Variants in RCOR1 observed in about 807,000 individuals in gnomAD.
RCOR1 encodes REST corepressor.
A neutral mutation model predicts 64.0 loss-of-function variants in RCOR1; 12 were observed. That is an observed-to-expected ratio of 0.19 (90% CI 0.12 to 0.30). The LOEUF is 0.30. RCOR1 is among the 10% of genes least tolerant of loss of function. RCOR1 has a pLI of 1.00. For synonymous variants in RCOR1, 279 were observed against 227.2 expected (o/e 1.23, Z -2.05); for missense variants, 502 against 621.2 (o/e 0.81, Z 2.04).
chr14:102,683,401 C>G (rs564175312), intron 3 of RCOR1, among the ~76,000 whole-genome samples: 1 of 152,106 alleles, frequency 6.6e-6, no homozygotes, highest in Non-Finnish European at 1.5e-5. Context: ...AGAAAAGAAC[C>G]GGCCAGAAAA....
At chr14:102,602,298 C>T (rs1469067772) in intron 2 of RCOR1, among the ~76,000 whole-genome samples, 2 of 152,014 alleles carry the variant, frequency 1.3e-5, no homozygotes, top group Non-Finnish European at 2.9e-5. Context: ...TTTGTTTTCA[C>T]CTTGTCTTCG....
intron 11 of RCOR1, 30 bp from the exon 12 acceptor site, chr14:102,726,438 T>C: frequency 2.8e-5 from 5 of 181,322 alleles, no homozygotes; most frequent in Non-Finnish European, 5.1e-5. Flanking sequence ...TCTTTGATCC[T>C]TTTTTTTTTT....
intron 2 of RCOR1, among the ~76,000 whole-genome samples, chr14:102,605,201 G>A (rs1054526785): frequency 6.6e-6 from 1 of 151,914 alleles, no homozygotes; most frequent in Non-Finnish European, 1.5e-5. Context: ...GAGCCAACTT[G>A]TAGTCCAGTT....
chr14:102,602,869 C>A (rs1893431800), intron 2 of RCOR1, among the ~76,000 whole-genome samples: 1 of 151,898 alleles, frequency 6.6e-6, no homozygotes, highest in Admixed American at 6.6e-5. Flanking sequence ...GTATGCCTGA[C>A]TGATTTTTGA....
intron 2 of RCOR1, among the ~76,000 whole-genome samples, chr14:102,678,128 G>A (rs78335680): frequency 1.5e-5 from 2 of 134,148 alleles, no homozygotes; most frequent in South Asian, 2.3e-4. Flanking sequence ...AGGCAGGGAG[G>A]TTGCAGTGAG....
rs200520117 is a variant in RCOR1, at chr14:102,633,537, G to GT, written c.361+40221dup. ...GAGTTAGTTGCAATTAAAAATGGAGGTTTTTTTTTCTTTTCTCTTTGAGAC... is the reference window on the plus strand; with the variant it reads ...GAGTTAGTTGCAATTAAAAATGGAGGTTTTTTTTTTCTTTTCTCTTTGAGAC... On this transcript the variant is annotated intron_variant, in intron 2 of 11. Coordinates refer to ENST00000262241, the MANE Select transcript of RCOR1 (RefSeq NM_015156.4). Among the ~76,000 whole-genome samples the GT allele has an allele frequency of 7.7e-3, 1,165 of 150,994 alleles. 12 individuals are homozygous for GT. Among genetic ancestry groups the GT allele is most frequent in the African/African-American group, 0.026 (1,086 of 41,068 alleles).
chr14:102,634,727 T>G (rs1894200904), intron 2 of RCOR1, among the ~76,000 whole-genome samples: 1 of 151,402 alleles, frequency 6.6e-6, no homozygotes, highest in Non-Finnish European at 1.5e-5. Context: ...GACAGAGTCT[T>G]GCTCTATCGC....
chr14:102,602,793 C>T (rs1325264674), intron 2 of RCOR1, among the ~76,000 whole-genome samples: 11 of 151,250 alleles, frequency 7.3e-5, no homozygotes, highest in Admixed American at 7.2e-4. Context: ...ACAGCCTCAG[C>T]CTCCAGGGCT....
intron 10 of RCOR1, 118 bp downstream of exon 10, chr14:102,721,495 G>A: frequency 3.2e-6 from 2 of 629,170 alleles, no homozygotes; most frequent in South Asian, 2.2e-5. Flanking sequence ...AGGCTGCATT[G>A]ATCCATGATC....
chr14:102,662,724 C>T, intron 2 of RCOR1: 1 of 420,644 alleles, frequency 2.4e-6, no homozygotes, highest in Non-Finnish European at 4.5e-6. Context: ...GAAAAGGGCT[C>T]TGCAGCTTTT....
At chr14:102,718,730 G>A (rs759640056) in intron 8 of RCOR1, among the ~76,000 whole-genome samples, 1 of 152,180 alleles carries the variant, frequency 6.6e-6, no homozygotes, top group South Asian at 2.1e-4. Context: ...CATGATGGTG[G>A]CAGTAATCTC....
At chr14:102,652,233 A>C (rs1018202899) in intron 2 of RCOR1, among the ~76,000 whole-genome samples, 3 of 152,210 alleles carry the variant, frequency 2.0e-5, no homozygotes, top group African/African-American at 7.2e-5. Flanking sequence ...TTTTTATAGA[A>C]GAGAAAATTG....
chr14:102,679,757 C>T (rs576821768), intron 2 of RCOR1, among the ~76,000 whole-genome samples: 3 of 152,296 alleles, frequency 2.0e-5, no homozygotes, highest in South Asian at 2.1e-4. Context: ...GGATTACAGG[C>T]GTGAGCCACT....
At chr14:102,677,155 G>T (rs1186020985) in intron 2 of RCOR1, among the ~76,000 whole-genome samples, 1 of 139,308 alleles carries the variant, frequency 7.2e-6, no homozygotes, top group Non-Finnish European at 1.6e-5. Flanking sequence ...GCCGGGCGGG[G>T]GGCTGACCCC....
intron 2 of RCOR1, among the ~76,000 whole-genome samples, chr14:102,633,408 A>G: frequency 6.6e-6 from 1 of 152,136 alleles, no homozygotes; most frequent in Non-Finnish European, 1.5e-5. Flanking sequence ...TGCCCAGGAT[A>G]CTGTTGAACT....
chr14:102,626,540 CCT>C (rs1467875786), intron 2 of RCOR1, among the ~76,000 whole-genome samples: 1 of 152,152 alleles, frequency 6.6e-6, no homozygotes, highest in Non-Finnish European at 1.5e-5. Flanking sequence ...TTGTTGGCTC[CCT>C]CTCATATCCT....
intron 2 of RCOR1, among the ~76,000 whole-genome samples, chr14:102,614,619 T>G (rs1893713052): frequency 6.6e-6 from 1 of 152,134 alleles, no homozygotes; most frequent in South Asian, 2.1e-4. Flanking sequence ...AGTTGTTGCT[T>G]AGTTCTCTGC....
intron 4 of RCOR1, 70 bp downstream of exon 4, chr14:102,701,400 T>C: frequency 3.2e-6 from 4 of 1,251,528 alleles, no homozygotes; most frequent in Non-Finnish European, 4.4e-6. Context: ...TATATTTTTT[T>C]CTTCTTTGTA....
chr14:102,653,983 C>CTTT (rs1160437928), intron 2 of RCOR1, among the ~76,000 whole-genome samples: 6 of 33,168 alleles, frequency 1.8e-4, no homozygotes, highest in Admixed American at 4.9e-4. Context: ...TTCTTTCTTT[C>CTTT]TTTTTTTTTT....
Sources: allele counts gnomAD v4.1 joint callset (sites outside exome capture counted in the v4.1 genomes callset), GRCh38; gene constraint gnomAD v4.1.1; transcripts MANE v1.5; gene names NCBI Gene and HGNC (gene_info 2026-07-23, HGNC 2026-07-21).